Variants in PPAT observed in about 807,000 individuals in gnomAD.
PPAT encodes phosphoribosyl pyrophosphate amidotransferase.
A neutral mutation model predicts 60.2 loss-of-function variants in PPAT; 20 were observed. The ratio of observed to expected loss-of-function variants is 0.33; its 90% CI spans 0.23 to 0.48. The LOEUF (loss-of-function observed/expected upper bound fraction) is 0.48. PPAT is among the 20% of genes least tolerant of loss of function. The pLI is 0.99. For synonymous variants in PPAT, 194 were observed against 215.1 expected, an observed-to-expected ratio of 0.90 and a Z score of 0.86; for missense variants, 349 against 629.6, an observed-to-expected ratio of 0.55 and a Z score of 4.77.
chr4:56,410,999 T>C, intron 1 of PPAT: 1 of 782,932 alleles, frequency 1.3e-6, no homozygotes, highest in Non-Finnish European at 1.5e-6. Flanking sequence ...TCTGTGGCCA[T>C]ATGATAAATA....
intron 9 of PPAT, among the ~76,000 whole-genome samples, chr4:56,398,253 G>T (rs1716029313): frequency 6.6e-6 from 1 of 151,974 alleles, no homozygotes; most frequent in Non-Finnish European, 1.5e-5. Flanking sequence ...GCCTATAGTT[G>T]CAGCTATTCA....
intron 3 of PPAT, chr4:56,403,849 G>A: frequency 3.4e-6 from 1 of 290,060 alleles, no homozygotes; most frequent in Non-Finnish European, 6.9e-6. Flanking sequence ...TCCCTTGCAT[G>A]CACAGCTCAC....
chr4:56,411,004 T>C (rs1263032089), intron 1 of PPAT: 2 of 762,138 alleles, frequency 2.6e-6, no homozygotes, highest in African/African-American at 3.8e-5. Context: ...GGCCATATGA[T>C]AAATATAGAC....
chr4:56,398,267 G>A (rs116455562), intron 9 of PPAT, among the ~76,000 whole-genome samples: 4,067 of 152,144 alleles, frequency 0.027, 204 homozygotes, highest in African/African-American at 0.092. Flanking sequence ...CTATTCAGAA[G>A]GCTGAGGTGG....
rs569109808 is a variant in PPAT at position 56,397,137 on chromosome 4, C to T, written c.1237-398G>A. On this transcript the variant is annotated intron_variant, in intron 9 of 10. Coordinates refer to ENST00000264220, the MANE Select transcript of PPAT (RefSeq NM_002703.5). ...CATCAGGTACGTTTACATGGCTATA[C>T]TCAGTGTCCACATTTCCTTTTTAAA... Among the ~76,000 whole-genome samples the T allele has an allele frequency of 5.6e-5, 8 of 142,080 alleles. No homozygotes were observed. In the South Asian group the frequency reaches 1.4e-3, roughly 25 times the overall value. The allele number at this position is 142,080 out of a possible 152,430, so 93.2% of individuals were successfully genotyped here. A position where few individuals can be genotyped will look rare whatever the true frequency, so the allele number is the denominator to read the frequency against.
chr4:56,403,235 C>A, intron 4 of PPAT, 50 bp from the exon 5 acceptor site: 1 of 1,596,694 alleles, frequency 6.3e-7, no homozygotes, highest in Non-Finnish European at 8.6e-7. Flanking sequence ...TAAACATATG[C>A]AAGGCAAAAC....
At chr4:56,429,919 A>G (rs1717494384) in intron 1 of PPAT, among the ~76,000 whole-genome samples, 1 of 152,114 alleles carries the variant, frequency 6.6e-6, no homozygotes, top group African/African-American at 2.4e-5. Flanking sequence ...TTTACTCACA[A>G]CAGTAGTCTG....
At chr4:56,399,108 C>A (rs1309559661) in intron 9 of PPAT, 71 bp downstream of exon 9, 1 of 1,340,910 alleles carries the variant, frequency 7.5e-7, no homozygotes, top group African/African-American at 1.5e-5. Flanking sequence ...GATTCACTAC[C>A]CTGAATTGCA....
chr4:56,430,174 C>A (rs1397764976), intron 1 of PPAT, among the ~76,000 whole-genome samples: 3 of 152,110 alleles, frequency 2.0e-5, no homozygotes, highest in Non-Finnish European at 4.4e-5. Context: ...CAGCTGTTTC[C>A]AGATTGGGGC....
intron 1 of PPAT, among the ~76,000 whole-genome samples, chr4:56,409,108 C>T (rs1466161973): frequency 2.6e-5 from 4 of 152,070 alleles, no homozygotes; most frequent in Non-Finnish European, 5.9e-5. Context: ...TTATTTAGGT[C>T]GATAGCATGC....
chr4:56,403,872 G>A (rs1348091074), intron 3 of PPAT: 3 of 293,276 alleles, frequency 1.0e-5, no homozygotes, highest in African/African-American at 4.3e-5. Flanking sequence ...CAGGGTTCAT[G>A]CTCCTAGGAG....
At chr4:56,399,599 T>C (rs1716063135) in intron 8 of PPAT, 199 bp from the exon 9 acceptor site, 2 of 488,420 alleles carry the variant, frequency 4.1e-6, no homozygotes, top group African/African-American at 2.0e-5. Flanking sequence ...TGAGGACTCA[T>C]AATGTTTTTG....
intron 1 of PPAT, among the ~76,000 whole-genome samples, chr4:56,433,651 C>T (rs559950209): frequency 1.3e-5 from 2 of 152,042 alleles, no homozygotes; most frequent in East Asian, 3.9e-4. Context: ...CCCTAAAGAC[C>T]TCTAGATTCT....
intron 10 of PPAT, 111 bp from the exon 11 acceptor site, chr4:56,395,659 C>A: frequency 2.8e-6 from 2 of 705,286 alleles, no homozygotes; most frequent in Non-Finnish European, 4.0e-6. Flanking sequence ...ATAAATTTCT[C>A]CTTTAGCCTT....
At chr4:56,400,555 G>C (rs112747192) in intron 8 of PPAT, 82 of 347,230 alleles carry the variant, frequency 2.4e-4, no homozygotes, top group African/African-American at 1.6e-3. Context: ...ATTTCTGAAC[G>C]CTTTAGTGAA....
At position 56,434,826 on chromosome 4, in the gene PPAT, C is replaced by G. The variant is rs141422564; in HGVS notation, c.128+524G>C. ...GTCTGAAGTCTAGCATCCTCAAGTT[C>G]CCATAGCGATAACTACTTTCAAACC... On this transcript the variant is annotated intron_variant, in intron 1 of 10. Coordinates refer to ENST00000264220, the MANE Select transcript of PPAT (RefSeq NM_002703.5). Among the ~76,000 whole-genome samples, 755 of 152,326 alleles carry G rather than the reference C, an allele frequency of 5.0e-3. 8 individuals carry two copies. Among genetic ancestry groups the G allele is most frequent in the African/African-American group, 0.017 (703 of 41,574 alleles).
intron 3 of PPAT, 143 bp downstream of exon 3, chr4:56,406,352 T>C (rs1716240653): frequency 2.4e-6 from 2 of 829,158 alleles, no homozygotes; most frequent in African/African-American, 3.4e-5. Context: ...GTACTCCAGA[T>C]CATTCTGATG....
chr4:56,426,024 C>T (rs925294490), intron 1 of PPAT, among the ~76,000 whole-genome samples: 4 of 152,136 alleles, frequency 2.6e-5, no homozygotes, highest in Non-Finnish European at 5.9e-5. Context: ...CCAACTAAAG[C>T]GTATAACTGT....
intron 1 of PPAT, among the ~76,000 whole-genome samples, chr4:56,429,905 T>C (rs1369287191): frequency 6.6e-6 from 1 of 152,204 alleles, no homozygotes; most frequent in Non-Finnish European, 1.5e-5. Flanking sequence ...GATTCACCCA[T>C]GACTTTACTC....
Sources: gnomAD v4.1 joint callset for allele counts (sites outside exome capture counted in the v4.1 genomes callset) on GRCh38, gnomAD v4.1.1 for gene constraint, MANE v1.5 for transcripts, NCBI Gene and HGNC (gene_info 2026-07-23, HGNC 2026-07-21) for gene names.